MCM3AP: variants seen among roughly 807,000 people sequenced by gnomAD.
MCM3AP encodes the protein germinal-center associated nuclear protein.
Under a neutral mutation model 184.1 loss-of-function variants are expected in MCM3AP, and 126 were observed. The ratio of observed to expected loss-of-function variants is 0.68; its 90% CI spans 0.59 to 0.79. The LOEUF (loss-of-function observed/expected upper bound fraction) is 0.79, where lower values mean the gene tolerates loss of function less well. Ranked by LOEUF, MCM3AP falls within the 30% of genes least tolerant of loss-of-function variation. The probability of loss-of-function intolerance (pLI) is 0.00; values close to 1 mark genes in which losing one functional copy is unlikely to be tolerated. For missense variants in MCM3AP, 2,496 were observed against 2,479.2 expected (o/e 1.01, Z -0.14); for synonymous variants, 1,002 against 979.3 (o/e 1.02, Z -0.43).
chr21:46,277,411 A>T (rs777050655), intron 5 of MCM3AP, 116 bp downstream of exon 5: 2 of 698,760 alleles, frequency 2.9e-6, no homozygotes, highest in Non-Finnish European at 4.6e-6. Flanking sequence ...AGCATATCAC[A>T]GGCTCTGAGA....
At chr21:46,277,170 C>T (rs2081266553) in intron 5 of MCM3AP, among the ~76,000 whole-genome samples, 3 of 152,146 alleles carry the variant, frequency 2.0e-5, no homozygotes, top group Non-Finnish European at 4.4e-5. Flanking sequence ...GTAGGTAATA[C>T]ATTCACACAG....
intron 26 of MCM3AP, among the ~76,000 whole-genome samples, chr21:46,239,917 G>C (rs972990700): frequency 1.3e-5 from 2 of 152,092 alleles, no homozygotes; most frequent in Admixed American, 1.3e-4. Flanking sequence ...TGGGATTCAC[G>C]GTCATGTTCA....
At position 46,277,634 on chromosome 21, in the gene MCM3AP, C is replaced by T; in HGVS notation, c.1751G>A (p.Gly584Asp). Residue 584 changes from glycine to aspartate, a missense_variant, in exon 5 of 28, where the codon GGC becomes GAC. Physicochemically the swap from Gly to Asp is moderately conservative, Grantham distance 94. This residue lies in a region of MCM3AP where 800 missense variants were observed against 717.1 expected (regional missense o/e 1.12). Coordinates refer to ENST00000291688, the MANE Select transcript of MCM3AP (RefSeq NM_003906.5). ...SFDSASEGSEGLGPCVLSLST... is the reference protein window; with the variant it reads ...SFDSASEGSEDLGPCVLSLST... ...GAGGGAGAGCACACATGGCCCGAGG[C>T]CCTCGGAGCCCTCGGAGGCTGAGTC... 2 of 1,611,506 alleles carry T rather than the reference C, an allele frequency of 1.2e-6. No individual in the cohort carries two copies. Among genetic ancestry groups the T allele is most frequent in the Non-Finnish European group, 8.5e-7 (1 of 1,178,792 alleles).
chr21:46,273,910 C>T (rs1381088060), intron 6 of MCM3AP, among the ~76,000 whole-genome samples: 1 of 152,176 alleles, frequency 6.6e-6, no homozygotes, highest in Non-Finnish European at 1.5e-5. Flanking sequence ...TAAAAGGTCT[C>T]AGGCCCGCTC....
At chr21:46,245,317 A>G (rs17183234) in intron 22 of MCM3AP, 120 bp from the exon 23 acceptor site, 1 of 864,776 alleles carries the variant, frequency 1.2e-6, no homozygotes, top group Middle Eastern at 3.2e-4. Context: ...CTGGGCTCTC[A>G]ACTGTGGTAG....
chr21:46,264,028 G>A lies in MCM3AP; in HGVS notation c.3335+89C>T, dbSNP rs929468330. On this transcript the variant is annotated intron_variant, in intron 13 of 27. Coordinates refer to ENST00000291688, the MANE Select transcript of MCM3AP (RefSeq NM_003906.5). ...CTTATTGGATTATGACTCCAAAAAC[G>A]CAGGCAACTTTATGAGAGGAAACTT... The A allele has an allele frequency of 4.8e-5, 38 of 796,326 alleles. No individual in the cohort carries two copies. In the Admixed American group the frequency reaches 5.1e-4, roughly 11 times the overall value. 49.3% of individuals were successfully genotyped at this position (796,326 alleles called of 1,614,324 possible).
rs1457018337 is a variant in MCM3AP, at chr21:46,240,865, A to G, written c.5579T>C (p.Leu1860Pro). The G allele has an allele frequency of 6.2e-7, 1 of 1,614,186 alleles. No individual in the cohort carries two copies. Among genetic ancestry groups the G allele is most frequent in the Non-Finnish European group, 8.5e-7 (1 of 1,180,030 alleles). ...DLMRGASAEE[L>P]LAQCLSSSLL... ...ACTGCTCGACAAACACTGCGCCAAGAGCTCCTCAGCAGAAGCTCCTCGCAT... is the reference window on the plus strand; with the variant it reads ...ACTGCTCGACAAACACTGCGCCAAGGGCTCCTCAGCAGAAGCTCCTCGCAT... The change falls in exon 26 of 28, where the codon CTC becomes CCC. Residue 1860 changes from leucine to proline, a missense_variant. By Grantham distance (98) the Leu-to-Pro change is moderately conservative. Coordinates refer to ENST00000291688, the MANE Select transcript of MCM3AP (RefSeq NM_003906.5).
chr21:46,256,742 GT>G (rs1474077545), intron 17 of MCM3AP, 46 bp downstream of exon 17: 1 of 1,526,726 alleles, frequency 6.5e-7, no homozygotes, highest in Admixed American at 2.0e-5. Context: ...GTAAAACCAA[GT>G]GGGGGCAGGG....
intron 27 of MCM3AP, 105 bp downstream of exon 27, chr21:46,236,724 G>T: frequency 1.3e-6 from 1 of 754,994 alleles, no homozygotes; most frequent in Non-Finnish European, 2.1e-6. Flanking sequence ...ATAATTTGTC[G>T]GTCATCAAAA....
rs1330529698 is a variant in MCM3AP, at chr21:46,285,152, T to G, written c.135A>C (p.Leu45Phe). 1 of 1,614,158 alleles carries G rather than the reference T, an allele frequency of 6.2e-7. No homozygotes were observed. Among genetic ancestry groups the G allele is most frequent in the South Asian group, 1.1e-5 (1 of 91,090 alleles). ...QPSLFGQNST[L>F]SGKSSGFSQV... is the part of the protein sequence containing the mutation. ...GTGAAAATCCCGAGCTCTTCCCAGATAAGGTACTGTTTTGTCCAAAAAGAG... is the reference window on the plus strand; with the variant it reads ...GTGAAAATCCCGAGCTCTTCCCAGAGAAGGTACTGTTTTGTCCAAAAAGAG... The change falls in exon 1 of 28, where the codon TTA (leucine) becomes TTC (phenylalanine). Residue 45 changes from leucine to phenylalanine, a missense_variant. Coordinates refer to ENST00000291688, the MANE Select transcript of MCM3AP (RefSeq NM_003906.5).
intron 25 of MCM3AP, chr21:46,242,184 G>A (rs2080678790): frequency 6.6e-6 from 1 of 152,560 alleles, no homozygotes; most frequent in Non-Finnish European, 1.5e-5. Flanking sequence ...GTACTGGTCA[G>A]GATTTCCAGG....
chr21:46,280,584 C>T lies in MCM3AP; in HGVS notation c.1444-9G>A, dbSNP rs4438580. On this transcript the variant is annotated splice_polypyrimidine_tract_variant and intron_variant, in intron 2 of 27. Transcript: ENST00000291688. Reference sequence around the variant, plus strand: ...GCCAGGGCTGCAGATGCCTGGAAAACAGTCCACAACCGCCATGTGTGAGTA... The same window carrying T: ...GCCAGGGCTGCAGATGCCTGGAAAATAGTCCACAACCGCCATGTGTGAGTA... 128,426 of 1,593,446 alleles carry T rather than the reference C, an allele frequency of 0.081. 5,726 individuals are homozygous for T. Among genetic ancestry groups the T allele is most frequent in the African/African-American group, 0.11 (8,350 of 74,422 alleles).
intron 6 of MCM3AP, 122 bp from the exon 7 acceptor site, chr21:46,273,707 AT>A: frequency 1.5e-6 from 1 of 689,050 alleles, no homozygotes; most frequent in South Asian, 1.9e-5. Context: ...TTGAGAATAT[AT>A]TTTTTCAACA....
chr21:46,240,968 A>G lies in MCM3AP; in HGVS notation c.5476T>C (p.Leu1826=). ...TTCCAGTTACGGTGCATGTGAAGCA[A>G]TGGTATGGGAAAATTGTTTGCAGAA... is the stretch of plus-strand genomic sequence containing the variant. ...HPSANNFPIP[L]LHMHRNWKRS... is the part of the protein sequence containing the mutation. Residue 1826 remains leucine (L), a synonymous_variant, in exon 26 of 28, where the codon TTG becomes CTG. Transcript: ENST00000291688. 1 of 1,614,180 alleles carries G rather than the reference A, an allele frequency of 6.2e-7. No homozygotes were observed. The highest frequency in any genetic ancestry group is 8.5e-7 in the Non-Finnish European group (1 of 1,180,030).
chr21:46,260,105 C>A (rs2081022558), intron 15 of MCM3AP, among the ~76,000 whole-genome samples: 1 of 151,938 alleles, frequency 6.6e-6, no homozygotes, highest in South Asian at 2.1e-4. Flanking sequence ...AGTCTGCATC[C>A]TCAGTATTAA....
rs140768625 is a variant in MCM3AP, at chr21:46,263,849, G to A, written c.3335+268C>T. Reference sequence around the variant, plus strand: ...ACCCAGAACAATCTACAGATTCAACGCAATCCCTATCAAAATCCCAACAGC... The same window carrying A: ...ACCCAGAACAATCTACAGATTCAACACAATCCCTATCAAAATCCCAACAGC... On this transcript the variant is annotated intron_variant, in intron 13 of 27. Transcript: ENST00000291688. 1.4e-4 allele frequency among the ~76,000 whole-genome samples: 17 copies of A among 124,720 alleles called. No individual in the cohort carries two copies. In the East Asian group the frequency reaches 3.0e-3, roughly 22 times the overall value. 81.8% of individuals were successfully genotyped at this position (124,720 alleles called of 152,430 possible). A position where few individuals can be genotyped will look rare whatever the true frequency, so the allele number is the denominator to read the frequency against.
intron 2 of MCM3AP, among the ~76,000 whole-genome samples, chr21:46,282,006 C>T (rs1353232239): frequency 6.6e-6 from 1 of 151,890 alleles, no homozygotes; most frequent in Non-Finnish European, 1.5e-5. Context: ...TCAAAAACAA[C>T]AACAACAAAA....
At chr21:46,258,144 CAG>C (rs960872301) in intron 16 of MCM3AP, among the ~76,000 whole-genome samples, 1 of 152,170 alleles carries the variant, frequency 6.6e-6, no homozygotes, top group Non-Finnish European at 1.5e-5. Flanking sequence ...CAAGAAAGGA[CAG>C]AAAGTCTCTG....
chr21:46,272,975 T>G (rs2081200792), intron 7 of MCM3AP, 146 bp from the exon 8 acceptor site: 1 of 801,468 alleles, frequency 1.2e-6, no homozygotes, highest in Non-Finnish European at 1.9e-6. Context: ...TTGTAGTGAC[T>G]TAAATAAAAG....
Sources: allele counts gnomAD v4.1 joint callset (sites outside exome capture counted in the v4.1 genomes callset), GRCh38; gene constraint gnomAD v4.1.1; regional missense constraint gnomAD v4.1.1; transcripts MANE v1.5; gene names NCBI Gene and HGNC (gene_info 2026-07-23, HGNC 2026-07-21).